OLFM1: variants seen among roughly 807,000 people sequenced by gnomAD.
The protein encoded by OLFM1 is olfactomedin 1, also known as noelin.
In OLFM1, 9 loss-of-function variants were observed where a neutral mutation model predicts 49.7. The ratio of observed to expected loss-of-function variants is 0.18; its 90% CI spans 0.11 to 0.32. OLFM1 has a LOEUF of 0.32. OLFM1 is among the 10% of genes least tolerant of loss of function. The probability of loss-of-function intolerance (pLI) is 1.00; values close to 1 mark genes in which losing one functional copy is unlikely to be tolerated. For synonymous variants in OLFM1, 240 were observed against 271.8 expected, an observed-to-expected ratio of 0.88 and a Z score of 1.15; for missense variants, 369 against 661.8, an observed-to-expected ratio of 0.56 and a Z score of 4.85.
At chr9:135,109,817 G>A (rs1830997933) in intron 5 of OLFM1, among the ~76,000 whole-genome samples, 1 of 152,152 alleles carries the variant, frequency 6.6e-6, no homozygotes, top group Non-Finnish European at 1.5e-5. Context: ...GAGGTTCAAT[G>A]GGGCTGCCTA....
chr9:135,076,879 A>G, intron 1 of OLFM1: 1 of 1,550,668 alleles, frequency 6.4e-7, no homozygotes, highest in Non-Finnish European at 8.7e-7. Flanking sequence ...ACAGGAGAGA[A>G]GACACTGAAC....
At chr9:135,089,726 G>C (rs1456553564) in intron 1 of OLFM1, among the ~76,000 whole-genome samples, 1 of 152,182 alleles carries the variant, frequency 6.6e-6, no homozygotes, top group East Asian at 1.9e-4. Flanking sequence ...AAGTGTCAGG[G>C]AACGGCAGGG....
At chr9:135,089,252 G>C (rs1588206291) in intron 1 of OLFM1, among the ~76,000 whole-genome samples, 1 of 152,232 alleles carries the variant, frequency 6.6e-6, no homozygotes, top group East Asian at 1.9e-4. Context: ...TGAGATTAAA[G>C]ATATGACTAC....
chr9:135,087,690 T>C lies in OLFM1; in HGVS notation c.-300T>C. On this transcript the variant is annotated 5_prime_UTR_variant, in exon 1 of 6. Coordinates refer to ENST00000371793, the MANE Select transcript of OLFM1 (RefSeq NM_001282611.2). Reference sequence around the variant, plus strand: ...CTCAGAGCCGGACGGCGCTTCCCGGTGGCGGCGGAGGAGCCCGGAGGGACG... The same window carrying C: ...CTCAGAGCCGGACGGCGCTTCCCGGCGGCGGCGGAGGAGCCCGGAGGGACG... 3 of 424,140 alleles carry C rather than the reference T, an allele frequency of 7.1e-6. No homozygotes were observed. The highest frequency in any genetic ancestry group is 2.1e-5 in the African/African-American group (1 of 46,692). 26.3% of individuals were successfully genotyped at this position (424,140 alleles called of 1,614,324 possible).
At chr9:135,075,931 C>T in intron 1 of OLFM1, 6 of 1,125,262 alleles carry the variant, frequency 5.3e-6, no homozygotes, top group Non-Finnish European at 6.7e-6. Context: ...CCCGAAGTGC[C>T]GGGGTTGGGG....
chr9:135,084,101 G>T (rs1830565493), upstream of OLFM1, among the ~76,000 whole-genome samples: 1 of 152,244 alleles, frequency 6.6e-6, no homozygotes, highest in Admixed American at 6.5e-5. This position sits in a 1 kb window ranked among gnomAD's most constrained non-coding sequence, Gnocchi z 4.6. Context: ...ACCCATGCTG[G>T]TCTTCTGTGG....
chr9:135,116,647 TG>T (rs960351442), intron 5 of OLFM1, among the ~76,000 whole-genome samples: 10 of 151,842 alleles, frequency 6.6e-5, no homozygotes, highest in African/African-American at 2.4e-4. Flanking sequence ...GGAGAGGGCT[TG>T]GGGAGGAATG....
chr9:135,106,614 C>T, intron 4 of OLFM1, 135 bp from the exon 5 acceptor site: 1 of 640,214 alleles, frequency 1.6e-6, no homozygotes, highest in South Asian at 1.9e-5. Flanking sequence ...AGCAGCTTTC[C>T]ACAGTACCCC....
chr9:135,095,721 T>C lies in OLFM1; in HGVS notation c.301-143T>C, dbSNP rs559456957. On this transcript the variant is annotated intron_variant, in intron 2 of 5. Transcript: ENST00000371793. ...TCCTCACAGTCCGCGATGCTGGCGA[T>C]TACCTTGTAAATAATGCATGGGCCA... 7.4e-5 allele frequency: 61 copies of C among 822,144 alleles called. No individual in the cohort carries two copies. In the African/African-American group the frequency reaches 8.9e-4, roughly 12 times the overall value. The allele number at this position is 822,144 out of a possible 1,614,324, so 50.9% of individuals were successfully genotyped here.
In OLFM1 at chr9:135,119,770, T is replaced by C; in HGVS notation, c.1050T>C (p.Gly350=). ...ACAACATGTACCACTACGCCTGGGG[T>C]GGCCACTCGGACATCGACCTCATGG... ...GYNNMYHYAW[G]GHSDIDLMVD... The change falls in exon 6 of 6, where the codon GGT becomes GGC. Residue 350 remains glycine, a synonymous_variant. Transcript: ENST00000371793. 1.2e-6 allele frequency: 2 copies of C among 1,613,846 alleles called. No homozygotes were observed. The highest frequency in any genetic ancestry group is 1.7e-6 in the Non-Finnish European group (2 of 1,179,992).
chr9:135,093,174 C>G (rs1392380752), intron 2 of OLFM1, among the ~76,000 whole-genome samples: 1 of 152,218 alleles, frequency 6.6e-6, no homozygotes, highest in Non-Finnish European at 1.5e-5. Context: ...CCTGGGGTCC[C>G]TGTGGGGAAC....
At position 135,087,846 on chromosome 9, in the gene OLFM1, C is replaced by CG; in HGVS notation, c.-142dup. 9.6e-6 allele frequency: 9 copies of CG among 942,136 alleles called. No individual in the cohort carries two copies. The highest frequency in any genetic ancestry group is 4.7e-5 in the South Asian group (1 of 21,252). 58.4% of individuals were successfully genotyped at this position (942,136 alleles called of 1,614,324 possible). A position where few individuals can be genotyped will look rare whatever the true frequency, so the allele number is the denominator to read the frequency against. On this transcript the variant is annotated 5_prime_UTR_variant, in exon 1 of 6. The change abolishes the stop of an existing upstream ORF in the 5' untranslated region. Coordinates refer to ENST00000371793, the MANE Select transcript of OLFM1 (RefSeq NM_001282611.2). Reference sequence around the variant, plus strand: ...GCCGGGGCGCGCGGGGCGGCGGCGGCGGCGGGCGGGCGGCGGCGGGCCGAG... The same window carrying CG: ...GCCGGGGCGCGCGGGGCGGCGGCGGCGGGCGGGCGGGCGGCGGCGGGCCGAG...
intron 2 of OLFM1, among the ~76,000 whole-genome samples, chr9:135,091,585 TCA>T (rs1476051333): frequency 1.6e-4 from 11 of 69,188 alleles, no homozygotes; most frequent in East Asian, 7.9e-4. Context: ...AGTCACACAC[TCA>T]CAGTCACACA....
Position 135,098,411 on chromosome 9 carries a change from G to A in OLFM1, c.582G>A (p.Glu194=), listed in dbSNP as rs747742107. 17 of 1,613,816 alleles carry A rather than the reference G, an allele frequency of 1.1e-5. No homozygotes were observed. The South Asian group carries it at 1.9e-4, about 18-fold the overall frequency. The change falls in exon 4 of 6, where the codon GAG becomes GAA. Residue 194 remains glutamate, a synonymous_variant. Coordinates refer to ENST00000371793, the MANE Select transcript of OLFM1 (RefSeq NM_001282611.2). The surrounding 1 kb of genome is among the most constrained non-coding windows in gnomAD (Gnocchi z 5.6). ...EVQNLTSVLN[E]LQEEIGAYDY... is the part of the protein sequence containing the mutation. ...AGAATCTGACGTCAGTGCTTAACGAGCTGCAAGAGGAAATTGGCGCCTATG... is the reference window on the plus strand; with the variant it reads ...AGAATCTGACGTCAGTGCTTAACGAACTGCAAGAGGAAATTGGCGCCTATG...
At chr9:135,085,524 G>C (rs1405863778), upstream of OLFM1, among the ~76,000 whole-genome samples, 1 of 152,260 alleles carries the variant, frequency 6.6e-6, no homozygotes, top group Non-Finnish European at 1.5e-5. Flanking sequence ...CTTCAGTAAG[G>C]ATTGGGTGCC....
intron 4 of OLFM1, 49 bp from the exon 5 acceptor site, chr9:135,106,700 G>A (rs1339571046): frequency 6.0e-6 from 9 of 1,495,916 alleles, no homozygotes; most frequent in Non-Finnish European, 8.3e-6. Context: ...TCATCACCGC[G>A]GGCCGGGGCC....
At chr9:135,089,452 G>A (rs1386799448) in intron 1 of OLFM1, among the ~76,000 whole-genome samples, 1 of 152,212 alleles carries the variant, frequency 6.6e-6, no homozygotes, top group East Asian at 1.9e-4. Flanking sequence ...CCAGACATGG[G>A]CAGCTCCGGT....
chr9:135,092,484 C>T (rs772260804), intron 2 of OLFM1, among the ~76,000 whole-genome samples: 16 of 152,198 alleles, frequency 1.1e-4, no homozygotes, highest in Non-Finnish European at 1.8e-4. Flanking sequence ...ATACATTTAA[C>T]ATTCCACCAA....
At position 135,116,548 on chromosome 9, in the gene OLFM1, A is replaced by G. The variant is rs1404504473; in HGVS notation, c.784-2956A>G. Among the ~76,000 whole-genome samples the G allele has an allele frequency of 2.0e-5, 3 of 152,128 alleles. No homozygotes were observed. In the East Asian group the frequency reaches 5.8e-4, roughly 29 times the overall value. On this transcript the variant is annotated intron_variant, in intron 5 of 5. Transcript: ENST00000371793. ...GAGTCACCCTGGGTCCCCGCGATCA[A>G]GGGCTTGTTTGTGGGGGTGATGTGT...
Sources: allele counts gnomAD v4.1 joint callset (sites outside exome capture counted in the v4.1 genomes callset), GRCh38; gene constraint gnomAD v4.1.1; non-coding constraint Gnocchi (gnomAD v3.1); transcripts MANE v1.5; gene names NCBI Gene and HGNC (gene_info 2026-07-23, HGNC 2026-07-21).